The following DYRK4 variants were observed in gnomAD, a reference collection of about 807,000 sequenced individuals.
The protein encoded by DYRK4 is dual specificity tyrosine phosphorylation regulated kinase 4, also known as dual specificity tyrosine-phosphorylation-regulated kinase 4.
DYRK4 carries 64 observed loss-of-function variants against 68.3 expected under a neutral mutation model. The observed-to-expected ratio is 0.94, with a 90% CI of 0.77 to 1.15. DYRK4 has a LOEUF of 1.15. DYRK4 is among the 50% of genes most tolerant of loss of function. The pLI is 0.00. For synonymous variants in DYRK4, 274 were observed against 289.9 expected (o/e 0.95, Z 0.56); for missense variants, 740 against 764.7 (o/e 0.97, Z 0.38).
chr12:4,602,166 C>A, intron 10 of DYRK4: 1 of 700,992 alleles, frequency 1.4e-6, no homozygotes, highest in Non-Finnish European at 2.6e-6. Flanking sequence ...TCTGTATGAA[C>A]TTATTTTTCA....
In DYRK4 at chr12:4,591,512, G is replaced by A. The variant is rs1162957501; in HGVS notation, c.463+214G>A. The A allele has an allele frequency of 3.2e-6, 2 of 623,918 alleles. No individual in the cohort carries two copies. Among genetic ancestry groups the A allele is most frequent in the East Asian group, 5.7e-5 (2 of 34,870 alleles). The allele number at this position is 623,918 out of a possible 1,614,324, so 38.6% of individuals were successfully genotyped here. A position where few individuals can be genotyped will look rare whatever the true frequency, so the allele number is the denominator to read the frequency against. ...GGAGGCTGAATTTCCCCCAAGGAGTGGCTCTGGGCAAGGGCGGGATGTACC... is the reference window on the plus strand; with the variant it reads ...GGAGGCTGAATTTCCCCCAAGGAGTAGCTCTGGGCAAGGGCGGGATGTACC... On this transcript the variant is annotated intron_variant, in intron 5 of 14. Transcript: ENST00000543431. This position sits in a 1 kb window ranked among gnomAD's most constrained non-coding sequence, Gnocchi z 4.1.
chr12:4,594,033 C>T (rs1944988411), intron 6 of DYRK4, among the ~76,000 whole-genome samples: 1 of 152,156 alleles, frequency 6.6e-6, no homozygotes, highest in Non-Finnish European at 1.5e-5. Context: ...GCTGTTGATG[C>T]TTGGACCACA....
At chr12:4,583,427 G>C (rs1672938906) in intron 2 of DYRK4, among the ~76,000 whole-genome samples, 2 of 152,030 alleles carry the variant, frequency 1.3e-5, no homozygotes, top group Non-Finnish European at 2.9e-5. Context: ...AGCCATAGCA[G>C]CACTTTTTCC....
At chr12:4,588,394 G>A (rs548079480) in intron 2 of DYRK4, among the ~76,000 whole-genome samples, 2 of 152,230 alleles carry the variant, frequency 1.3e-5, no homozygotes, top group South Asian at 2.1e-4. Flanking sequence ...CTTCCTCTGC[G>A]GGGTGCTTGC....
At chr12:4,572,731 CT>C (rs1944745377) in intron 2 of DYRK4, 1 of 152,638 alleles carries the variant, frequency 6.6e-6, no homozygotes, top group African/African-American at 2.4e-5. Flanking sequence ...CCTACATCCC[CT>C]GATTGCAGGG....
intron 5 of DYRK4, 63 bp from the exon 6 acceptor site, chr12:4,592,939 T>C: frequency 6.4e-7 from 1 of 1,565,590 alleles, no homozygotes; most frequent in Non-Finnish European, 8.7e-7. Flanking sequence ...TGCCATCGTC[T>C]GCATCCGGGG....
At chr12:4,595,923 C>T (rs528519614) in intron 6 of DYRK4, among the ~76,000 whole-genome samples, 1 of 152,210 alleles carries the variant, frequency 6.6e-6, no homozygotes, top group South Asian at 2.1e-4. Flanking sequence ...ATGGATCAAG[C>T]CTGTGGGACT....
chr12:4,578,308 T>TCTCTCTGTGC (rs1944808714), intron 2 of DYRK4, among the ~76,000 whole-genome samples: 1 of 124,262 alleles, frequency 8.0e-6, no homozygotes, highest in African/African-American at 4.8e-5. Context: ...TTTTATCTCT[T>TCTCTCTGTGC]TGAAGAAATT....
intron 10 of DYRK4, chr12:4,602,230 A>G: frequency 9.8e-7 from 1 of 1,015,330 alleles, no homozygotes; most frequent in Non-Finnish European, 1.5e-6. Flanking sequence ...TGCTTGCTGA[A>G]TTCTCCTCAT....
intron 2 of DYRK4, among the ~76,000 whole-genome samples, chr12:4,577,057 A>G (rs1944796895): frequency 6.6e-6 from 1 of 152,156 alleles, no homozygotes; most frequent in African/African-American, 2.4e-5. Flanking sequence ...TTTTTATTGT[A>G]GTTAAAAAGT....
intron 1 of DYRK4, among the ~76,000 whole-genome samples, chr12:4,564,654 G>T (rs1367993261): frequency 2.6e-5 from 4 of 152,152 alleles, no homozygotes; most frequent in African/African-American, 7.2e-5. Context: ...TGAAAACAAG[G>T]CTTCTGTTTT....
At chr12:4,573,149 G>C (rs1289665322) in intron 2 of DYRK4, 7 of 424,106 alleles carry the variant, frequency 1.7e-5, no homozygotes, top group Admixed American at 7.5e-5. Context: ...ACTCGAACTA[G>C]AAGAACTTGT....
Position 4,599,098 on chromosome 12 carries a change from ACT to A in DYRK4, c.983_984del (p.Ser328CysfsTer17), listed in dbSNP as rs565145822. ...GFSLSIVRRF[T>X]LSVLKCLQML... is the part of the protein sequence containing the mutation. ...CAGTCTGTCCATAGTTCGGCGCTTC[ACT>A]CTCTCTGTTTTGAAGTGCTTGCAGA... is the stretch of plus-strand genomic sequence containing the variant. On this transcript the variant is annotated frameshift_variant, in exon 9 of 15. Transcript: ENST00000543431. LOFTEE classifies it high-confidence loss of function. The A allele has an allele frequency of 7.4e-6, 12 of 1,613,642 alleles. No individual in the cohort carries two copies. Among genetic ancestry groups the A allele is most frequent in the Middle Eastern group, 1.6e-4 (1 of 6,084 alleles).
chr12:4,588,327 A>C (rs1944917999), intron 2 of DYRK4, among the ~76,000 whole-genome samples: 1 of 152,260 alleles, frequency 6.6e-6, no homozygotes, highest in African/African-American at 2.4e-5. Flanking sequence ...TGGATATTAC[A>C]GTAAATCCAT....
chr12:4,608,430 A>G (rs112864234), intron 12 of DYRK4, among the ~76,000 whole-genome samples: 1 of 152,198 alleles, frequency 6.6e-6, no homozygotes, highest in African/African-American at 2.4e-5. Flanking sequence ...AACTTGCTCC[A>G]TCAGTAGGAA....
rs1944955397 is a variant in DYRK4 at position 4,591,572 on chromosome 12, G to C, written c.463+274G>C. 1 of 398,716 alleles carries C rather than the reference G, an allele frequency of 2.5e-6. No individual in the cohort carries two copies. The highest frequency in any genetic ancestry group is 4.5e-6 in the Non-Finnish European group (1 of 224,190). 24.7% of individuals were successfully genotyped at this position (398,716 alleles called of 1,614,324 possible). ...AGAAGGAAGTGTCTCATTTGCCTAAGGAGCCCAGACACAAGGCTCCTGTCA... is the reference window on the plus strand; with the variant it reads ...AGAAGGAAGTGTCTCATTTGCCTAACGAGCCCAGACACAAGGCTCCTGTCA... On this transcript the variant is annotated intron_variant, in intron 5 of 14. Coordinates refer to ENST00000543431, the MANE Select transcript of DYRK4 (RefSeq NM_001394779.1). The surrounding 1 kb of genome is among the most constrained non-coding windows in gnomAD (Gnocchi z 4.1).
chr12:4,585,351 C>T lies in DYRK4; in HGVS notation c.133-3586C>T, dbSNP rs182432643. 1.6e-3 allele frequency among the ~76,000 whole-genome samples: 240 copies of T among 152,322 alleles called. 1 individual carries two copies. The highest frequency in any genetic ancestry group is 5.5e-3 in the African/African-American group (227 of 41,570). ...GTCTCATGGAGAGAGTGCTGCTGCA[C>T]TTATTATTGCCTTCTCCTCCCTTGC... On this transcript the variant is annotated intron_variant, in intron 2 of 14. Coordinates refer to ENST00000543431, the MANE Select transcript of DYRK4 (RefSeq NM_001394779.1).
Position 4,591,386 on chromosome 12 carries a change from T to G in DYRK4, c.463+88T>G. 17 of 1,519,818 alleles carry G rather than the reference T, an allele frequency of 1.1e-5. No homozygotes were observed. In the South Asian group the frequency reaches 2.3e-4, roughly 20 times the overall value. The allele number at this position is 1,519,818 out of a possible 1,614,324, so 94.1% of individuals were successfully genotyped here. ...TAAGCTGCGCTGGAGTGAGCTAAGC[T>G]GCCAGGTGTCAGAGTAGTCAAAGAA... On this transcript the variant is annotated intron_variant, in intron 5 of 14. Transcript: ENST00000543431. This position sits in a 1 kb window ranked among gnomAD's most constrained non-coding sequence, Gnocchi z 4.1.
intron 2 of DYRK4, among the ~76,000 whole-genome samples, chr12:4,576,318 C>T (rs1031941494): frequency 9.2e-5 from 14 of 152,150 alleles, no homozygotes; most frequent in African/African-American, 2.9e-4. Flanking sequence ...GCAGTAATGT[C>T]CTCCATGTCT....
Sources: allele counts gnomAD v4.1 joint callset (sites outside exome capture counted in the v4.1 genomes callset), GRCh38; gene constraint gnomAD v4.1.1; non-coding constraint Gnocchi (gnomAD v3.1); transcripts MANE v1.5; gene names NCBI Gene and HGNC (gene_info 2026-07-23, HGNC 2026-07-21).